AGBL4: variants seen among roughly 807,000 people sequenced by gnomAD.
AGBL4 encodes cytosolic carboxypeptidase 6.
A neutral mutation model predicts 66.4 loss-of-function variants in AGBL4; 58 were observed. That is an observed-to-expected ratio of 0.87 (90% CI 0.71 to 1.09). AGBL4 has a LOEUF of 1.09. Among genes scored for constraint, AGBL4 ranks in the 50% least tolerant of loss-of-function variants. The pLI is 0.00. For synonymous variants in AGBL4, 234 were observed against 222.9 expected (o/e 1.05, Z -0.44); for missense variants, 579 against 631.0 (o/e 0.92, Z 0.88).
chr1:49,886,472 G>C (rs1188307752), intron 1 of AGBL4, among the ~76,000 whole-genome samples: 1 of 152,132 alleles, frequency 6.6e-6, no homozygotes, highest in Non-Finnish European at 1.5e-5. Flanking sequence ...GTATCCTAAA[G>C]AGAGTAAAAA....
rs766127822 is a variant in AGBL4, at chr1:49,495,230, T to C, written c.282+202083A>G. Among the ~76,000 whole-genome samples, 23 of 152,110 alleles carry C rather than the reference T, an allele frequency of 1.5e-4. 1 individual carries two copies. The highest frequency in any genetic ancestry group is 2.9e-4 in the Non-Finnish European group (20 of 68,006). On this transcript the variant is annotated intron_variant, in intron 3 of 13. Transcript: ENST00000371839. ...CTAACAAAAAGAAATCCTGTGCTGA[T>C]CTTTCAACACTAATATCTTACAACT...
chr1:49,725,833 C>G lies in AGBL4; in HGVS notation c.158-28396G>C, dbSNP rs189416122. Among the ~76,000 whole-genome samples, 4 of 151,762 alleles carry G rather than the reference C, an allele frequency of 2.6e-5. No homozygotes were observed. In the East Asian group the frequency reaches 7.8e-4, roughly 29 times the overall value. On this transcript the variant is annotated intron_variant, in intron 2 of 13. Coordinates refer to ENST00000371839, the MANE Select transcript of AGBL4 (RefSeq NM_032785.4). ...AAAATCATGTGACAAAGCCCAAAAT[C>G]AAAGGAGTAAGAATATATATCCTTA...
chr1:49,721,460 G>A (rs1405275440), intron 2 of AGBL4, among the ~76,000 whole-genome samples: 3 of 152,100 alleles, frequency 2.0e-5, no homozygotes, highest in African/African-American at 7.2e-5. Flanking sequence ...CAATAAGACA[G>A]GATGGCCAGG....
chr1:49,941,321 T>C (rs1486403164), intron 1 of AGBL4, among the ~76,000 whole-genome samples: 1 of 152,126 alleles, frequency 6.6e-6, no homozygotes, highest in African/African-American at 2.4e-5. Context: ...ACTTCCAAAC[T>C]CATTTTACAA....
chr1:49,726,961 C>G (rs941699411), intron 2 of AGBL4, among the ~76,000 whole-genome samples: 5 of 152,134 alleles, frequency 3.3e-5, no homozygotes, highest in African/African-American at 1.2e-4. Context: ...TGACCCAACT[C>G]AGGTCATATG....
At chr1:48,578,106 T>C (rs182967909) in intron 11 of AGBL4, among the ~76,000 whole-genome samples, 30 of 152,282 alleles carry the variant, frequency 2.0e-4, no homozygotes, top group African/African-American at 7.2e-4. Context: ...ATTCTCTATG[T>C]ATCTGGAAAT....
intron 5 of AGBL4, among the ~76,000 whole-genome samples, chr1:48,988,262 A>T (rs974497608): frequency 1.3e-5 from 2 of 152,150 alleles, no homozygotes; most frequent in Admixed American, 6.5e-5. Context: ...TCTCCACTGT[A>T]ATGTAACAAA....
chr1:49,035,193 T>C (rs1387842870), intron 5 of AGBL4, among the ~76,000 whole-genome samples: 4 of 152,106 alleles, frequency 2.6e-5, no homozygotes, highest in Non-Finnish European at 5.9e-5. Context: ...TCCTCCATGA[T>C]TGTGTAAGAT....
chr1:49,146,533 A>G (rs1277089201), intron 4 of AGBL4, among the ~76,000 whole-genome samples: 1 of 152,236 alleles, frequency 6.6e-6, no homozygotes, highest in Non-Finnish European at 1.5e-5. Context: ...GAATGAAAAA[A>G]TGTTGGTTGA....
At chr1:49,128,921 C>A (rs1480662388) in intron 4 of AGBL4, among the ~76,000 whole-genome samples, 1 of 150,882 alleles carries the variant, frequency 6.6e-6, no homozygotes, top group Non-Finnish European at 1.5e-5. Context: ...TCAGAAAATG[C>A]AAAATAAAGC....
intron 3 of AGBL4, among the ~76,000 whole-genome samples, chr1:49,361,879 C>T (rs1490446404): frequency 6.6e-6 from 1 of 152,142 alleles, no homozygotes; most frequent in East Asian, 1.9e-4. Flanking sequence ...TGGCCTCTCC[C>T]ATTGAGCCCG....
At chr1:49,267,604 C>T (rs1291132025) in intron 3 of AGBL4, among the ~76,000 whole-genome samples, 5 of 151,814 alleles carry the variant, frequency 3.3e-5, no homozygotes, top group South Asian at 4.2e-4. Context: ...CACTGGAACC[C>T]GGGAGGTGGA....
intron 4 of AGBL4, among the ~76,000 whole-genome samples, chr1:49,128,977 T>G (rs1157359139): frequency 6.6e-6 from 1 of 152,006 alleles, no homozygotes; most frequent in African/African-American, 2.4e-5. Context: ...AAAAGACTTG[T>G]ATCTAGAAAA....
chr1:48,698,993 TG>T (rs2148503138), intron 6 of AGBL4, among the ~76,000 whole-genome samples: 1 of 152,336 alleles, frequency 6.6e-6, no homozygotes, highest in East Asian at 1.9e-4. Flanking sequence ...GCTAGTAGGT[TG>T]GGGATCCTCT....
chr1:49,743,804 C>G (rs1650757453), intron 2 of AGBL4, among the ~76,000 whole-genome samples: 1 of 148,622 alleles, frequency 6.7e-6, no homozygotes, highest in South Asian at 2.1e-4. Context: ...ATCGCAAGGA[C>G]AAAAAAACCA....
intron 1 of AGBL4, among the ~76,000 whole-genome samples, chr1:49,943,598 G>T (rs540746454): frequency 2.0e-5 from 3 of 152,026 alleles, no homozygotes; most frequent in Non-Finnish European, 4.4e-5. Flanking sequence ...GAGAAATACA[G>T]GGGTAGATGA....
At chr1:49,828,561 T>C (rs1645570555) in intron 2 of AGBL4, among the ~76,000 whole-genome samples, 1 of 152,086 alleles carries the variant, frequency 6.6e-6, no homozygotes, top group Non-Finnish European at 1.5e-5. Flanking sequence ...AGAGTAAGAA[T>C]GTCATGAGGT....
At chr1:48,531,756 TTATGTATGTATG>T (rs56107028), downstream of AGBL4, among the ~76,000 whole-genome samples, 2 of 150,552 alleles carry the variant, frequency 1.3e-5, no homozygotes, top group African/African-American at 4.9e-5. Context: ...CTCCCTCTTA[TTATGTATGTATG>T]TATGTATGTA....
intron 3 of AGBL4, among the ~76,000 whole-genome samples, chr1:49,267,294 C>A (rs928511265): frequency 3.3e-5 from 5 of 152,160 alleles, no homozygotes; most frequent in Non-Finnish European, 5.9e-5. Context: ...GAGATCAGGG[C>A]AAAATCCTTC....
Sources: gnomAD v4.1 joint callset for allele counts (sites outside exome capture counted in the v4.1 genomes callset) on GRCh38, gnomAD v4.1.1 for gene constraint, MANE v1.5 for transcripts, NCBI Gene and HGNC (gene_info 2026-07-23, HGNC 2026-07-21) for gene names.